The following NRXN3 variants were observed in gnomAD, a reference collection of about 807,000 sequenced individuals.
NRXN3 encodes neurexin III.
Under a neutral mutation model 137.6 loss-of-function variants are expected in NRXN3, and 32 were observed. The observed-to-expected ratio is 0.23, with a 90% CI of 0.18 to 0.31. The LOEUF (loss-of-function observed/expected upper bound fraction) is 0.31, where lower values mean the gene tolerates loss of function less well. Among genes scored for constraint, NRXN3 ranks in the 10% least tolerant of loss-of-function variants. NRXN3 has a pLI of 1.00. For missense variants in NRXN3, 1,574 were observed against 2,062.5 expected, an observed-to-expected ratio of 0.76 and a Z score of 4.59; for synonymous variants, 798 against 784.5, an observed-to-expected ratio of 1.02 and a Z score of -0.29.
chr14:79,160,078 C>T (rs556480818), intron 15 of NRXN3, among the ~76,000 whole-genome samples: 132 of 151,994 alleles, frequency 8.7e-4, no homozygotes, highest in Non-Finnish European at 1.5e-3. Context: ...GTTCCAGTAT[C>T]ACCCAAAGCT....
intron 15 of NRXN3, among the ~76,000 whole-genome samples, chr14:79,356,683 C>A (rs2093434545): frequency 6.6e-6 from 1 of 152,168 alleles, no homozygotes; most frequent in South Asian, 2.1e-4. Context: ...TCCCGCCCCA[C>A]TGCCTCCCCA....
At chr14:79,565,715 T>A (rs1288123432) in intron 16 of NRXN3, among the ~76,000 whole-genome samples, 1 of 152,038 alleles carries the variant, frequency 6.6e-6, no homozygotes, top group Non-Finnish European at 1.5e-5. Flanking sequence ...GGTAGATTCT[T>A]TGAGGGAAAG....
rs149652002 is a variant in NRXN3 at position 79,690,391 on chromosome 14, T to C, written c.3617-1782T>C. Among the ~76,000 whole-genome samples, 492 of 152,260 alleles carry C rather than the reference T, an allele frequency of 3.2e-3. 6 individuals carry two copies. The highest frequency in any genetic ancestry group is 0.011 in the African/African-American group (467 of 41,582). ...ACCAAGAAATTAACTTGCCTGTCTC[T>C]TTTTCCTCTTTGCCTGCCCTCTCCA... On this transcript the variant is annotated intron_variant, in intron 17 of 20. Transcript: ENST00000335750.
intron 4 of NRXN3, among the ~76,000 whole-genome samples, chr14:78,571,500 G>C (rs2096889044): frequency 6.6e-6 from 1 of 152,164 alleles, no homozygotes; most frequent in African/African-American, 2.4e-5. Context: ...AACAAGATTA[G>C]AGGTTTTTGA....
chr14:78,835,758 A>G (rs1445726819), intron 10 of NRXN3, among the ~76,000 whole-genome samples: 1 of 152,180 alleles, frequency 6.6e-6, no homozygotes, highest in Non-Finnish European at 1.5e-5. Context: ...GAAACTCTGC[A>G]AAGTGGCTGG....
At chr14:79,337,855 G>C (rs1377922322) in intron 15 of NRXN3, among the ~76,000 whole-genome samples, 1 of 152,070 alleles carries the variant, frequency 6.6e-6, no homozygotes, top group Non-Finnish European at 1.5e-5. Context: ...TTACTGGTTT[G>C]TTATGTGTCT....
intron 16 of NRXN3, among the ~76,000 whole-genome samples, chr14:79,476,213 C>T (rs1486969486): frequency 6.6e-6 from 1 of 152,048 alleles, no homozygotes; most frequent in Non-Finnish European, 1.5e-5. Context: ...AATTCATTAG[C>T]CACCCACTCC....
At chr14:79,135,772 A>G (rs1051110963) in intron 15 of NRXN3, among the ~76,000 whole-genome samples, 12 of 152,228 alleles carry the variant, frequency 7.9e-5, no homozygotes, top group African/African-American at 2.7e-4. Context: ...GGCACTCTAC[A>G]TAAATTATTT....
chr14:79,538,969 C>G (rs1025068322), intron 16 of NRXN3, among the ~76,000 whole-genome samples: 3 of 152,178 alleles, frequency 2.0e-5, no homozygotes, highest in Admixed American at 2.0e-4. Context: ...GAACTTATCC[C>G]TATTTTACAG....
At chr14:79,624,907 G>A (rs2153909894) in intron 16 of NRXN3, among the ~76,000 whole-genome samples, 1 of 151,650 alleles carries the variant, frequency 6.6e-6, no homozygotes, top group South Asian at 2.1e-4. Context: ...AGGCTCCAGG[G>A]ATTCTGTCAC....
chr14:78,182,875 C>T (rs896907640), intron 1 of NRXN3, among the ~76,000 whole-genome samples: 3 of 152,270 alleles, frequency 2.0e-5, no homozygotes, highest in Admixed American at 6.5e-5. Flanking sequence ...GGTTCAGTGA[C>T]TTTCGATAGG....
chr14:79,712,169 G>C (rs1276013102), intron 19 of NRXN3, among the ~76,000 whole-genome samples: 1 of 152,126 alleles, frequency 6.6e-6, no homozygotes, highest in Non-Finnish European at 1.5e-5. Flanking sequence ...GCTCTATACT[G>C]GTAACCCTTT....
At chr14:78,946,024 A>G (rs1355801690) in intron 10 of NRXN3, among the ~76,000 whole-genome samples, 2 of 152,234 alleles carry the variant, frequency 1.3e-5, no homozygotes, top group Non-Finnish European at 2.9e-5. Flanking sequence ...GAAAGGGTGG[A>G]CCTATTCGGA....
chr14:79,676,353 C>T (rs1177778536), intron 17 of NRXN3, among the ~76,000 whole-genome samples: 2 of 151,876 alleles, frequency 1.3e-5, no homozygotes, highest in African/African-American at 2.4e-5. Context: ...CTCTATTCCC[C>T]ACCACGCCTG....
chr14:79,637,896 A>ATATTTTTATTTTTATTTT (rs149993426), intron 16 of NRXN3, among the ~76,000 whole-genome samples: 4 of 148,994 alleles, frequency 2.7e-5, no homozygotes, highest in African/African-American at 1.0e-4. Context: ...TGCCTGGCTA[A>ATATTTTTATTTTTATTTT]TATTTTTATT....
At chr14:79,494,905 C>A (rs998677870) in intron 16 of NRXN3, among the ~76,000 whole-genome samples, 18 of 152,128 alleles carry the variant, frequency 1.2e-4, no homozygotes, top group Non-Finnish European at 5.9e-5. Context: ...TGTAGCTGTC[C>A]TGTCTCCTTA....
intron 15 of NRXN3, among the ~76,000 whole-genome samples, chr14:79,316,873 T>C (rs1369536799): frequency 1.3e-5 from 2 of 152,114 alleles, no homozygotes; most frequent in Non-Finnish European, 2.9e-5. Flanking sequence ...AATTACAAAC[T>C]GAGAGGCTTA....
chr14:78,962,324 G>A (rs2099409655), intron 11 of NRXN3, among the ~76,000 whole-genome samples: 1 of 150,948 alleles, frequency 6.6e-6, no homozygotes, highest in African/African-American at 2.4e-5. Flanking sequence ...TAGTGATTAT[G>A]CAGTATTTAG....
At chr14:79,192,308 A>G (rs1381035609) in intron 15 of NRXN3, among the ~76,000 whole-genome samples, 1 of 152,052 alleles carries the variant, frequency 6.6e-6, no homozygotes, top group Non-Finnish European at 1.5e-5. Flanking sequence ...ATAGTTGTCA[A>G]GATTAAAGTG....
Sources: gnomAD v4.1 joint callset for allele counts (sites outside exome capture counted in the v4.1 genomes callset) on GRCh38, gnomAD v4.1.1 for gene constraint, MANE v1.5 for transcripts, NCBI Gene and HGNC (gene_info 2026-07-23, HGNC 2026-07-21) for gene names.